ADIG: variants seen among roughly 807,000 people sequenced by gnomAD.
The protein encoded by ADIG is adipogenin.
Under a neutral mutation model 10.7 loss-of-function variants are expected in ADIG, and 12 were observed. The ratio of observed to expected loss-of-function variants is 1.12; its 90% CI spans 0.72 to 1.82. The LOEUF (loss-of-function observed/expected upper bound fraction) is 1.82. Ranked by LOEUF, ADIG falls within the 40% of genes most tolerant of loss-of-function variation. The probability of loss-of-function intolerance (pLI) is 0.00; values close to 1 mark genes in which losing one functional copy is unlikely to be tolerated. For synonymous variants in ADIG, 32 were observed against 35.6 expected, an observed-to-expected ratio of 0.90 and a Z score of 0.36; for missense variants, 72 against 92.5, an observed-to-expected ratio of 0.78 and a Z score of 0.91.
chr20:38,581,232 G>C lies in ADIG; in HGVS notation c.-19G>C. ...TGCCAGCCCAGCCCAGGCTGGCCCA[G>C]CTTAGCCACACATGCGCCATGAAGT... On this transcript the variant is annotated 5_prime_UTR_variant, in exon 1 of 3. Transcript: ENST00000537425. 1 of 1,597,884 alleles carries C rather than the reference G, an allele frequency of 6.3e-7. No individual in the cohort carries two copies. The highest frequency in any genetic ancestry group is 8.5e-7 in the Non-Finnish European group (1 of 1,171,740).
intron 1 of ADIG, among the ~76,000 whole-genome samples, chr20:38,582,538 C>G (rs939182869): frequency 1.3e-5 from 2 of 152,210 alleles, no homozygotes; most frequent in Non-Finnish European, 2.9e-5. Context: ...AGTCCCTCCC[C>G]ACACCCCTGC....
intron 1 of ADIG, among the ~76,000 whole-genome samples, chr20:38,584,371 G>A (rs1301021978): frequency 6.6e-6 from 1 of 152,194 alleles, no homozygotes; most frequent in African/African-American, 2.4e-5. Flanking sequence ...CCTGCTGCCG[G>A]CATTTTCCTT....
intron 1 of ADIG, chr20:38,585,511 C>T: frequency 1.3e-6 from 2 of 1,550,604 alleles, no homozygotes; most frequent in Non-Finnish European, 1.7e-6. Flanking sequence ...GACGGAGGGT[C>T]CGGGTCTCCA....
Position 38,581,203 on chromosome 20 carries a change from G to T in ADIG, c.-48G>T. 6.4e-7 allele frequency: 1 copy of T among 1,568,466 alleles called. No homozygotes were observed. Among genetic ancestry groups the T allele is most frequent in the South Asian group, 1.2e-5 (1 of 86,882 alleles). On this transcript the variant is annotated 5_prime_UTR_variant, in exon 1 of 3. Transcript: ENST00000537425. ...CCAGCCTGCCAGGTCCCATGGGGCA[G>T]CCCTGCCAGCCCAGCCCAGGCTGGC... is the stretch of plus-strand genomic sequence containing the variant.
chr20:38,587,023 C>T (rs371327536), intron 2 of ADIG, among the ~76,000 whole-genome samples: 4 of 152,106 alleles, frequency 2.6e-5, no homozygotes, highest in Non-Finnish European at 4.4e-5. Context: ...ATCTAATCTC[C>T]TCCCAAGCTT....
chr20:38,588,414 A>G lies in ADIG; in HGVS notation c.*328A>G. The G allele has an allele frequency of 8.1e-7, 1 of 1,227,278 alleles. No homozygotes were observed. Among genetic ancestry groups the G allele is most frequent in the South Asian group, 1.5e-5 (1 of 67,246 alleles). The allele number at this position is 1,227,278 out of a possible 1,614,324, so 76.0% of individuals were successfully genotyped here. On this transcript the variant is annotated 3_prime_UTR_variant, in exon 3 of 3. Coordinates refer to ENST00000537425, the MANE Select transcript of ADIG (RefSeq NM_001393816.1). ...GCTGGGCCGGAGGGTGTGGGTCCATATTAAAGAAGCAAGGGTCTTCCCATA... is the reference window on the plus strand; with the variant it reads ...GCTGGGCCGGAGGGTGTGGGTCCATGTTAAAGAAGCAAGGGTCTTCCCATA...
chr20:38,586,893 A>G (rs1461041862), intron 2 of ADIG, among the ~76,000 whole-genome samples: 2 of 151,020 alleles, frequency 1.3e-5, no homozygotes, highest in East Asian at 1.9e-4. Context: ...GTGAGGTGTC[A>G]GGGCAATCAG....
chr20:38,582,424 C>T (rs1326408657), intron 1 of ADIG, among the ~76,000 whole-genome samples: 2 of 152,184 alleles, frequency 1.3e-5, no homozygotes, highest in African/African-American at 4.8e-5. Flanking sequence ...ACCACTTGAC[C>T]TCCTACCTCC....
intron 1 of ADIG, chr20:38,585,422 T>TA: frequency 6.5e-7 from 1 of 1,550,364 alleles, no homozygotes; most frequent in South Asian, 1.2e-5. Flanking sequence ...AATTTGCTTA[T>TA]AATATACCGT....
At chr20:38,585,968 TG>T in intron 1 of ADIG, 60 bp from the exon 2 acceptor site, 1 of 1,504,518 alleles carries the variant, frequency 6.6e-7, no homozygotes, top group Non-Finnish European at 9.0e-7. Flanking sequence ...GACTCCTTCC[TG>T]GGTCAGGGGT....
chr20:38,582,795 GA>G lies in ADIG; in HGVS notation c.124+1422del, dbSNP rs367563931. On this transcript the variant is annotated intron_variant, in intron 1 of 2. Transcript: ENST00000537425. ...TGTCTCTCTGGAGTCTGGAAGATATGAGTTCAGATATCATCCTTTTTTTTTT... is the reference window on the plus strand; with the variant it reads ...TGTCTCTCTGGAGTCTGGAAGATATGGTTCAGATATCATCCTTTTTTTTTT... 1.2e-3 allele frequency among the ~76,000 whole-genome samples: 176 copies of G among 152,156 alleles called. 1 individual carries two copies. The highest frequency in any genetic ancestry group is 6.8e-3 in the Middle Eastern group (2 of 294).
chr20:38,585,746 G>A, intron 1 of ADIG: 1 of 614,876 alleles, frequency 1.6e-6, no homozygotes, highest in Non-Finnish European at 2.8e-6. Flanking sequence ...CCTCTTCCTG[G>A]ACCATGTCCA....
rs751425137 is a variant in ADIG, at chr20:38,586,017, G to A, written c.125-12G>A. ...GTGACCATCCAAGAGGCCTTGCCTC[G>A]TATCTCCACAGATTCAGAGGAAAAT... On this transcript the variant is annotated splice_polypyrimidine_tract_variant and intron_variant, in intron 1 of 2. Coordinates refer to ENST00000537425, the MANE Select transcript of ADIG (RefSeq NM_001393816.1). 2.2e-5 allele frequency: 35 copies of A among 1,592,966 alleles called. No individual in the cohort carries two copies. The highest frequency in any genetic ancestry group is 1.1e-4 in the Admixed American group (6 of 56,916).
intron 2 of ADIG, among the ~76,000 whole-genome samples, chr20:38,587,245 G>A (rs1359672017): frequency 8.6e-6 from 1 of 116,898 alleles, no homozygotes; most frequent in Non-Finnish European, 1.6e-5. Flanking sequence ...CATCTCTCAC[G>A]TGTCCGCCTT....
intron 1 of ADIG, among the ~76,000 whole-genome samples, 169 bp from the exon 2 acceptor site, chr20:38,585,860 G>A (rs1221291339): frequency 6.6e-6 from 1 of 152,208 alleles, no homozygotes; most frequent in Non-Finnish European, 1.5e-5. Flanking sequence ...CACCCTTTAA[G>A]GCCCTGAAGT....
In ADIG at chr20:38,581,212, G is replaced by C. The variant is rs1436978133; in HGVS notation, c.-39G>C. ...CAGGTCCCATGGGGCAGCCCTGCCA[G>C]CCCAGCCCAGGCTGGCCCAGCTTAG... On this transcript the variant is annotated 5_prime_UTR_variant, in exon 1 of 3. Coordinates refer to ENST00000537425, the MANE Select transcript of ADIG (RefSeq NM_001393816.1). 3.8e-6 allele frequency: 6 copies of C among 1,577,240 alleles called. No homozygotes were observed. The highest frequency in any genetic ancestry group is 5.2e-6 in the Non-Finnish European group (6 of 1,160,688).
rs143927094 is a variant in ADIG, at chr20:38,581,271, G to A, written c.21G>A (p.Pro7=). 208 of 1,613,316 alleles carry A rather than the reference G, an allele frequency of 1.3e-4. No homozygotes were observed. The African/African-American group carries it at 1.9e-3, about 15-fold the overall frequency. Residue 7 remains proline (P), a synonymous_variant, in exon 1 of 3, where the codon CCG becomes CCA. Transcript: ENST00000537425. ...GCGCCATGAAGTACCCTTTGATGCC[G>A]CTGGTGAACGACCTCACATTTTCTT... MKYPLM[P]LVNDLTFSFL...
At chr20:38,582,478 C>T (rs539571659) in intron 1 of ADIG, among the ~76,000 whole-genome samples, 4 of 152,322 alleles carry the variant, frequency 2.6e-5, no homozygotes, top group South Asian at 2.1e-4. Context: ...GCAGGGAGGG[C>T]GCAGCACATG....
At chr20:38,586,477 AC>A (rs2088637939) in intron 2 of ADIG, among the ~76,000 whole-genome samples, 1 of 150,760 alleles carries the variant, frequency 6.6e-6, no homozygotes, top group Admixed American at 6.6e-5. Context: ...TGCGTGGGGC[AC>A]TCCCTCCCCT....
Sources: gnomAD v4.1 joint callset for allele counts (sites outside exome capture counted in the v4.1 genomes callset) on GRCh38, gnomAD v4.1.1 for gene constraint, MANE v1.5 for transcripts, NCBI Gene and HGNC (gene_info 2026-07-23, HGNC 2026-07-21) for gene names.